The following ABCA1 variants were observed in gnomAD, a reference collection of about 807,000 sequenced individuals.
ABCA1 encodes the protein phospholipid-transporting ATPase ABCA1.
Under a neutral mutation model 262.5 loss-of-function variants are expected in ABCA1, and 133 were observed. The observed-to-expected ratio is 0.51, with a 90% CI of 0.44 to 0.59. ABCA1 has a LOEUF of 0.59. Ranked by LOEUF, ABCA1 falls within the 20% of genes least tolerant of loss-of-function variation. The pLI, the probability that ABCA1 is intolerant of heterozygous loss-of-function variation, is 0.00. For missense variants in ABCA1, 2,452 were observed against 2,777.5 expected (o/e 0.88, Z 2.63); for synonymous variants, 1,022 against 1,043.5 (o/e 0.98, Z 0.40).
intron 2 of ABCA1, among the ~76,000 whole-genome samples, chr9:104,896,923 T>C (rs1423016440): frequency 2.6e-4 from 39 of 150,890 alleles, no homozygotes; most frequent in Non-Finnish European, 1.5e-5. Flanking sequence ...AGAGATGGAG[T>C]CTTGCTATGC....
intron 1 of ABCA1, among the ~76,000 whole-genome samples, chr9:104,915,185 T>C (rs1164612016): frequency 1.3e-5 from 2 of 152,260 alleles, no homozygotes; most frequent in African/African-American, 2.4e-5. Context: ...TGTCCAGTTC[T>C]AGTTCATACA....
chr9:104,800,020 GC>G (rs1219590918), intron 35 of ABCA1, 32 bp from the exon 36 acceptor site: 2 of 1,613,580 alleles, frequency 1.2e-6, no homozygotes, highest in African/African-American at 1.3e-5. Context: ...ACAAGGTAAT[GC>G]CCCCAAACCG....
chr9:104,925,100 C>T (rs776308949), intron 1 of ABCA1, among the ~76,000 whole-genome samples: 2 of 152,178 alleles, frequency 1.3e-5, no homozygotes, highest in Non-Finnish European at 2.9e-5. Flanking sequence ...GTCCAGGGGT[C>T]GGGCGCGGTG....
chr9:104,911,274 G>C (rs1217898982), intron 1 of ABCA1, among the ~76,000 whole-genome samples: 1 of 152,188 alleles, frequency 6.6e-6, no homozygotes. Flanking sequence ...TCTCCAGAGA[G>C]ATGCACAGGG....
At chr9:104,807,841 T>TACACACAC (rs1303613078) in intron 30 of ABCA1, among the ~76,000 whole-genome samples, 1 of 34,418 alleles carries the variant, frequency 2.9e-5, no homozygotes, top group African/African-American at 8.8e-5. Flanking sequence ...AAAATATATA[T>TACACACAC]ATATACACAC....
chr9:104,801,376 T>C (rs1830321337), intron 34 of ABCA1, among the ~76,000 whole-genome samples: 2 of 148,848 alleles, frequency 1.3e-5, no homozygotes, highest in Admixed American at 6.7e-5. Context: ...CACGCCACCA[T>C]GCCCGGCTAA....
intron 7 of ABCA1, among the ~76,000 whole-genome samples, chr9:104,858,094 A>G (rs111562055): frequency 2.8e-4 from 42 of 152,324 alleles, no homozygotes; most frequent in African/African-American, 9.6e-4. Flanking sequence ...GGGCCTTCCA[A>G]CTGTGACAGC....
chr9:104,794,238 T>G, intron 40 of ABCA1, 149 bp downstream of exon 40: 1 of 1,205,360 alleles, frequency 8.3e-7, no homozygotes, highest in Non-Finnish European at 1.2e-6. Flanking sequence ...CAACCAGCTG[T>G]GTTGGCATGA....
chr9:104,921,053 A>G (rs1739717082), intron 1 of ABCA1, among the ~76,000 whole-genome samples: 1 of 151,332 alleles, frequency 6.6e-6, no homozygotes, highest in Admixed American at 6.6e-5. Context: ...ATTTGCATCT[A>G]TACTCCAAGA....
intron 18 of ABCA1, among the ~76,000 whole-genome samples, chr9:104,822,901 G>A (rs1292345640): frequency 1.3e-5 from 2 of 152,108 alleles, no homozygotes; most frequent in African/African-American, 2.4e-5. Context: ...AAAAGGACTT[G>A]ATGAACAATT....
intron 5 of ABCA1, among the ~76,000 whole-genome samples, chr9:104,872,082 G>A (rs1394853356): frequency 6.6e-6 from 1 of 152,028 alleles, no homozygotes; most frequent in Non-Finnish European, 1.5e-5. Context: ...ATTTATTAAG[G>A]GACATAGTAG....
chr9:104,843,558 G>A (rs930507566), intron 8 of ABCA1, among the ~76,000 whole-genome samples: 1 of 152,190 alleles, frequency 6.6e-6, no homozygotes, highest in African/African-American at 2.4e-5. Flanking sequence ...AACTCATTGG[G>A]TGACTGGAAA....
chr9:104,864,529 T>C (rs962369459), intron 5 of ABCA1, among the ~76,000 whole-genome samples: 1 of 152,156 alleles, frequency 6.6e-6, no homozygotes, highest in African/African-American at 2.4e-5. Context: ...TCCATTTATT[T>C]GTCGAGTCAT....
intron 1 of ABCA1, among the ~76,000 whole-genome samples, chr9:104,913,077 C>T (rs1253483442): frequency 2.6e-5 from 4 of 152,226 alleles, no homozygotes; most frequent in African/African-American, 9.6e-5. Flanking sequence ...GATTACATCT[C>T]TGAAGAATCA....
chr9:104,823,100 C>T (rs1260903513), intron 18 of ABCA1, among the ~76,000 whole-genome samples: 1 of 149,970 alleles, frequency 6.7e-6, no homozygotes, highest in Non-Finnish European at 1.5e-5. Flanking sequence ...AGGATACCTA[C>T]TGTATGGTTC....
chr9:104,800,582 G>A lies in ABCA1; in HGVS notation c.4701C>T (p.Asp1567=). 6.2e-7 allele frequency: 1 copy of A among 1,614,122 alleles called. No homozygotes were observed. The highest frequency in any genetic ancestry group is 8.5e-7 in the Non-Finnish European group (1 of 1,179,954). The change falls in exon 35 of 50, where the codon GAC becomes GAT. Residue 1567 remains aspartate, a splice_region_variant and synonymous_variant. Coordinates refer to ENST00000374736, the MANE Select transcript of ABCA1 (RefSeq NM_005502.4). ...TGTTGAGAAATCGATCTGCAGAACT[G>A]TCCTGTAAACAACAGAAACCTGCCT... is the stretch of plus-strand genomic sequence containing the variant. The part of the protein sequence containing the change: ...QMKKHLKLAK[D]SSADRFLNSL...
Position 104,793,914 on chromosome 9 carries a change from C to T in ABCA1, c.5506+473G>A, listed in dbSNP as rs575912764. Among the ~76,000 whole-genome samples, 12 of 152,196 alleles carry T rather than the reference C, an allele frequency of 7.9e-5. No individual in the cohort carries two copies. The South Asian group carries it at 2.5e-3, about 32-fold the overall frequency. On this transcript the variant is annotated intron_variant, in intron 40 of 49. Transcript: ENST00000374736. ...TGGCTACCGGAGAAATATTTTTAAC[C>T]ATTCTAAAGGTAGAAAAAGATGTAA... is the stretch of plus-strand genomic sequence containing the variant.
intron 37 of ABCA1, among the ~76,000 whole-genome samples, chr9:104,796,921 G>C (rs1829945995): frequency 6.6e-6 from 1 of 152,202 alleles, no homozygotes; most frequent in Non-Finnish European, 1.5e-5. Context: ...GTATCAAGCA[G>C]TAAAATGCAG....
At chr9:104,900,935 G>A (rs1010101542) in intron 2 of ABCA1, among the ~76,000 whole-genome samples, 5 of 152,210 alleles carry the variant, frequency 3.3e-5, no homozygotes, top group African/African-American at 1.2e-4. Context: ...TTGTGTCAGG[G>A]TGTTGCATCC....
Sources: allele counts gnomAD v4.1 joint callset (sites outside exome capture counted in the v4.1 genomes callset), GRCh38; gene constraint gnomAD v4.1.1; transcripts MANE v1.5; gene names NCBI Gene and HGNC (gene_info 2026-07-23, HGNC 2026-07-21).